Variants in PSMB7 observed in about 807,000 individuals in gnomAD.
PSMB7 encodes the protein proteasome 20S subunit beta 7.
PSMB7 carries 5 observed loss-of-function variants against 28.1 expected under a neutral mutation model. The ratio of observed to expected loss-of-function variants is 0.18; its 90% CI spans 0.09 to 0.37. The LOEUF is 0.37. Among genes scored for constraint, PSMB7 ranks in the 10% least tolerant of loss-of-function variants. PSMB7 has a pLI of 1.00. For missense variants in PSMB7, 275 were observed against 346.2 expected (o/e 0.79, Z 1.63); for synonymous variants, 122 against 123.7 (o/e 0.99, Z 0.09).
chr9:124,395,547 T>C (rs1267999813), intron 5 of PSMB7, among the ~76,000 whole-genome samples: 3 of 152,112 alleles, frequency 2.0e-5, no homozygotes, highest in Non-Finnish European at 4.4e-5. Context: ...CTGAACCCTA[T>C]TTGACTTCAA....
intron 5 of PSMB7, among the ~76,000 whole-genome samples, chr9:124,402,489 C>T (rs761136418): frequency 1.3e-5 from 2 of 152,154 alleles, no homozygotes; most frequent in African/African-American, 2.4e-5. Flanking sequence ...CAGAAGAGAA[C>T]ATCTTGAAGG....
rs183979646 is a variant in PSMB7, at chr9:124,357,572, C to G, written c.571-657G>C. Among the ~76,000 whole-genome samples, 17 of 152,342 alleles carry G rather than the reference C, an allele frequency of 1.1e-4. No homozygotes were observed. The East Asian group carries it at 3.3e-3, about 29-fold the overall frequency. On this transcript the variant is annotated intron_variant, in intron 6 of 7. Coordinates refer to ENST00000259457, the MANE Select transcript of PSMB7 (RefSeq NM_002799.4). The stretch of plus-strand genomic sequence containing the variant: ...TCTCCTACTAAGGAACCTATAGGTT[C>G]ACTGAAGTAATCCATTACTTTGAAT...
chr9:124,365,160 G>A (rs1030952156), intron 6 of PSMB7, among the ~76,000 whole-genome samples: 10 of 152,206 alleles, frequency 6.6e-5, no homozygotes, highest in African/African-American at 1.9e-4. Flanking sequence ...TGAACACACC[G>A]CACACGCTGT....
In PSMB7 at chr9:124,403,886, ATTTT is replaced by A. The variant is rs35168987; in HGVS notation, c.511+1427_511+1430del. On this transcript the variant is annotated intron_variant, in intron 5 of 7. Transcript: ENST00000259457. ...CCTTCTTCATAAGACCTGTCCTGACATTTTTTTTTTTTTTTTTTTTAAACAGACA... is the reference window on the plus strand; with the variant it reads ...CCTTCTTCATAAGACCTGTCCTGACATTTTTTTTTTTTTTTTAAACAGACA... Among the ~76,000 whole-genome samples, 17 of 138,232 alleles carry A rather than the reference ATTTT, an allele frequency of 1.2e-4. 1 individual carries two copies. Among genetic ancestry groups the A allele is most frequent in the Admixed American group, 5.1e-4 (7 of 13,780 alleles). The allele number at this position is 138,232 out of a possible 152,430, so 90.7% of individuals were successfully genotyped here. A position where few individuals can be genotyped will look rare whatever the true frequency, so the allele number is the denominator to read the frequency against.
At chr9:124,399,018 A>G (rs1588579987) in intron 5 of PSMB7, among the ~76,000 whole-genome samples, 3 of 138,724 alleles carry the variant, frequency 2.2e-5, no homozygotes, top group African/African-American at 8.2e-5. Flanking sequence ...CCAAAAAAAA[A>G]AAAAAAAAAG....
chr9:124,388,308 G>A (rs746005405), intron 5 of PSMB7, among the ~76,000 whole-genome samples: 16 of 152,212 alleles, frequency 1.1e-4, no homozygotes, highest in Non-Finnish European at 1.9e-4. Flanking sequence ...CTGTACACTC[G>A]AGTATGCCAG....
At chr9:124,400,669 T>A (rs1055952499) in intron 5 of PSMB7, among the ~76,000 whole-genome samples, 3 of 152,226 alleles carry the variant, frequency 2.0e-5, no homozygotes, top group African/African-American at 7.2e-5. Flanking sequence ...CCCAACTACA[T>A]TGTGAGCCAC....
chr9:124,380,004 C>T (rs1404811779), intron 6 of PSMB7, among the ~76,000 whole-genome samples: 2 of 152,188 alleles, frequency 1.3e-5, no homozygotes, highest in Non-Finnish European at 2.9e-5. Context: ...CTCTCACTGG[C>T]ATGGAGGAGA....
At position 124,354,339 on chromosome 9, in the gene PSMB7, TAGA is replaced by T. The variant is rs1588563985; in HGVS notation, c.723-633_723-631del. 3.3e-5 allele frequency among the ~76,000 whole-genome samples: 5 copies of T among 152,336 alleles called. No individual in the cohort carries two copies. In the East Asian group the frequency reaches 7.7e-4, roughly 23 times the overall value. On this transcript the variant is annotated intron_variant, in intron 7 of 7. Transcript: ENST00000259457. ...AGGTTTCTTTGAGCACCAGACTGTC[TAGA>T]AGATATGTATTTGGGCTGTTAATGC...
intron 5 of PSMB7, among the ~76,000 whole-genome samples, chr9:124,384,944 G>A (rs773467704): frequency 1.3e-5 from 2 of 152,206 alleles, no homozygotes; most frequent in Non-Finnish European, 2.9e-5. Flanking sequence ...TGAAAATGAG[G>A]TTATGGAGAA....
chr9:124,396,707 T>C (rs557028932), intron 5 of PSMB7: 7 of 449,388 alleles, frequency 1.6e-5, no homozygotes, highest in Admixed American at 1.4e-4. Context: ...TTCATGTTAA[T>C]TCTCTATGTG....
chr9:124,356,960 G>A lies in PSMB7; in HGVS notation c.571-45C>T, dbSNP rs1830414280. 4 of 1,610,524 alleles carry A rather than the reference G, an allele frequency of 2.5e-6. No homozygotes were observed. The Admixed American group carries it at 5.0e-5, about 20-fold the overall frequency. ...CAATAATGTCCCCGGCCAAACTAGG[G>A]CCTGCTCTGACATCCGCAATGTACG... On this transcript the variant is annotated intron_variant, in intron 6 of 7. Transcript: ENST00000259457. The surrounding 1 kb of genome is among the most constrained non-coding windows in gnomAD (Gnocchi z 4.4).
intron 6 of PSMB7, among the ~76,000 whole-genome samples, chr9:124,364,964 A>G (rs1830493456): frequency 6.6e-6 from 1 of 152,218 alleles, no homozygotes; most frequent in Non-Finnish European, 1.5e-5. Flanking sequence ...GTGTTATATG[A>G]CATGATCCTT....
At chr9:124,413,153 CAAAAAAAAAAAAAAAA>C in intron 3 of PSMB7, among the ~76,000 whole-genome samples, 1 of 47,256 alleles carries the variant, frequency 2.1e-5, no homozygotes, top group African/African-American at 9.3e-5. Context: ...GCATCTCTCC[CAAAAAAAAAAAAAAAA>C]AAAAAAGAAC....
At chr9:124,396,820 C>T (rs895557808) in intron 5 of PSMB7, 1 of 471,078 alleles carries the variant, frequency 2.1e-6, no homozygotes, top group Non-Finnish European at 4.4e-6. Flanking sequence ...TCTTCTGACA[C>T]TACTTCAGCT....
intron 6 of PSMB7, among the ~76,000 whole-genome samples, chr9:124,374,067 G>T (rs1830586743): frequency 6.6e-6 from 1 of 152,132 alleles, no homozygotes. Context: ...CCATCAAAAA[G>T]AAATAAAATA....
chr9:124,376,751 T>C (rs977506726), intron 6 of PSMB7, among the ~76,000 whole-genome samples: 1 of 152,236 alleles, frequency 6.6e-6, no homozygotes, highest in Non-Finnish European at 1.5e-5. Context: ...GAGGCAGATA[T>C]AGCCCAGTGG....
intron 6 of PSMB7, among the ~76,000 whole-genome samples, chr9:124,363,229 A>G (rs1318780912): frequency 6.6e-6 from 1 of 152,218 alleles, no homozygotes; most frequent in African/African-American, 2.4e-5. Context: ...ACCAGTCCCA[A>G]CTGGAGACCA....
intron 5 of PSMB7, among the ~76,000 whole-genome samples, chr9:124,404,994 TTATA>T (rs1472632396): frequency 6.6e-6 from 1 of 152,152 alleles, no homozygotes; most frequent in Non-Finnish European, 1.5e-5. Context: ...CTGTGTATAT[TTATA>T]TATATTTATA....
Sources: allele counts gnomAD v4.1 joint callset (sites outside exome capture counted in the v4.1 genomes callset), GRCh38; gene constraint gnomAD v4.1.1; non-coding constraint Gnocchi (gnomAD v3.1); transcripts MANE v1.5; gene names NCBI Gene and HGNC (gene_info 2026-07-23, HGNC 2026-07-21).